Variants in QTMAN observed in about 807,000 individuals in gnomAD.
QTMAN encodes the protein tRNA-queuosine alpha-mannosyltransferase.
the QTMAN span, among the ~76,000 whole-genome samples, chr2:144,190,384 G>C: frequency 6.6e-6 from 1 of 152,134 alleles, no homozygotes; most frequent in Admixed American, 6.5e-5. Context: ...ACAATGGATA[G>C]GACTATCCTG....
chr2:144,020,048 C>T, the QTMAN span, among the ~76,000 whole-genome samples: 1 of 152,256 alleles, frequency 6.6e-6, no homozygotes, highest in Non-Finnish European at 1.5e-5. Context: ...AACCAGCAGA[C>T]ATTTGAGGAA....
the QTMAN span, among the ~76,000 whole-genome samples, chr2:144,321,940 C>CCA: frequency 6.6e-6 from 1 of 152,128 alleles, no homozygotes; most frequent in Admixed American, 6.6e-5. Flanking sequence ...TACCTCACAA[C>CCA]CAATAGAGTG....
the QTMAN span, among the ~76,000 whole-genome samples, chr2:144,239,404 C>T: frequency 6.6e-6 from 1 of 152,120 alleles, no homozygotes; most frequent in Non-Finnish European, 1.5e-5. Flanking sequence ...CCAACCTAAG[C>T]TAGCATCCGT....
the QTMAN span, among the ~76,000 whole-genome samples, chr2:144,304,588 T>C: frequency 1.6e-4 from 25 of 152,200 alleles, no homozygotes; most frequent in African/African-American, 6.0e-4. Flanking sequence ...ATGAATATAC[T>C]AAAACAGTAC....
At chr2:143,942,901 A>C in the QTMAN span, 1 of 153,848 alleles carries the variant, frequency 6.5e-6, no homozygotes, top group African/African-American at 2.4e-5. Context: ...AACTAGTAAC[A>C]TGCTTCCTGA....
the QTMAN span, among the ~76,000 whole-genome samples, chr2:144,105,975 T>G: frequency 2.0e-5 from 3 of 152,148 alleles, no homozygotes; most frequent in Non-Finnish European, 4.4e-5. Flanking sequence ...AAAATAATTT[T>G]CAACCCAGAA....
At chr2:143,977,507 T>G in the QTMAN span, among the ~76,000 whole-genome samples, 34 of 152,214 alleles carry the variant, frequency 2.2e-4, no homozygotes, top group South Asian at 7.1e-3. Context: ...TCTGAGTCTA[T>G]GTCACTACTA....
the QTMAN span, among the ~76,000 whole-genome samples, chr2:144,045,713 C>T: frequency 6.6e-6 from 1 of 152,132 alleles, no homozygotes; most frequent in South Asian, 2.1e-4. Context: ...CTTAATGTAA[C>T]AGGGCTATAC....
chr2:144,071,700 TA>T, the QTMAN span, among the ~76,000 whole-genome samples: 1 of 152,164 alleles, frequency 6.6e-6, no homozygotes, highest in Non-Finnish European at 1.5e-5. Context: ...ACATCTTCTC[TA>T]AATTTCTGGG....
the QTMAN span, among the ~76,000 whole-genome samples, chr2:144,325,128 C>T: frequency 6.6e-6 from 1 of 152,184 alleles, no homozygotes; most frequent in Non-Finnish European, 1.5e-5. Context: ...CAAAGGAGGA[C>T]AGAGAAGGAA....
At chr2:143,952,363 G>A in the QTMAN span, among the ~76,000 whole-genome samples, 1 of 151,126 alleles carries the variant, frequency 6.6e-6, no homozygotes, top group Non-Finnish European at 1.5e-5. Context: ...CAAAGAACTG[G>A]TACTATAGCC....
At chr2:144,303,607 TA>T in the QTMAN span, among the ~76,000 whole-genome samples, 4 of 152,180 alleles carry the variant, frequency 2.6e-5, no homozygotes, top group African/African-American at 9.6e-5. Flanking sequence ...TATGTATAAA[TA>T]AAACACTTAG....
chr2:144,196,850 C>A, the QTMAN span, among the ~76,000 whole-genome samples: 1 of 152,146 alleles, frequency 6.6e-6, no homozygotes, highest in South Asian at 2.1e-4. Context: ...ATGAACTCTA[C>A]AGATGCACTT....
chr2:144,254,640 G>C, the QTMAN span, among the ~76,000 whole-genome samples: 2 of 152,160 alleles, frequency 1.3e-5, no homozygotes, highest in South Asian at 4.1e-4. Flanking sequence ...GGAGCTGTAA[G>C]AAGAGCACCA....
chr2:144,290,839 T>C, the QTMAN span, among the ~76,000 whole-genome samples: 1 of 152,140 alleles, frequency 6.6e-6, no homozygotes, highest in African/African-American at 2.4e-5. Flanking sequence ...CAGACCCCTA[T>C]ACCTCTCCCA....
At chr2:144,005,460 T>C in the QTMAN span, among the ~76,000 whole-genome samples, 2 of 152,076 alleles carry the variant, frequency 1.3e-5, no homozygotes, top group East Asian at 1.9e-4. Context: ...CAGGCATCAG[T>C]AAAATTGACT....
the QTMAN span, chr2:143,945,658 A>G: frequency 6.6e-6 from 1 of 152,190 alleles, no homozygotes; most frequent in Non-Finnish European, 1.5e-5. Context: ...ATCCTTCCAG[A>G]AGCTAGAAAG....
chr2:144,133,374 A>T, the QTMAN span, among the ~76,000 whole-genome samples: 3 of 38,550 alleles, frequency 7.8e-5, no homozygotes, highest in East Asian at 8.7e-4. Flanking sequence ...TATAATATAT[A>T]ATAATAATAT....
chr2:144,280,341 C>A, the QTMAN span, among the ~76,000 whole-genome samples: 2 of 152,124 alleles, frequency 1.3e-5, no homozygotes, highest in Non-Finnish European at 2.9e-5. Flanking sequence ...AATATGGTTC[C>A]AAACCACATG....
Sources: gnomAD v4.1 joint callset for allele counts (sites outside exome capture counted in the v4.1 genomes callset) on GRCh38, gnomAD v4.1.1 for gene constraint, MANE v1.5 for transcripts, NCBI Gene and HGNC (gene_info 2026-07-23, HGNC 2026-07-21) for gene names.